CHUK: variants seen among roughly 807,000 people sequenced by gnomAD.
CHUK encodes inhibitor of nuclear factor kappa-B kinase subunit alpha.
A neutral mutation model predicts 104.8 loss-of-function variants in CHUK; 35 were observed. The observed-to-expected ratio is 0.33, with a 90% CI of 0.26 to 0.44. The LOEUF (loss-of-function observed/expected upper bound fraction) is 0.44, where lower values mean the gene tolerates loss of function less well. CHUK is among the 20% of genes least tolerant of loss of function. CHUK has a pLI of 1.00. For synonymous variants in CHUK, 276 were observed against 291.9 expected (o/e 0.95, Z 0.56); for missense variants, 663 against 902.7 (o/e 0.73, Z 3.40).
At chr10:100,196,717 G>A (rs140648211) in intron 16 of CHUK, among the ~76,000 whole-genome samples, 64 of 152,126 alleles carry the variant, frequency 4.2e-4, no homozygotes, top group African/African-American at 1.5e-3. Context: ...TGAATGTTTT[G>A]GGTCAACAAC....
At position 100,223,367 on chromosome 10, in the gene CHUK, G is replaced by A. The variant is rs140381309; in HGVS notation, c.201-387C>T. On this transcript the variant is annotated intron_variant, in intron 2 of 20. Transcript: ENST00000370397. ...AGTCAAATCTGGCGTTCTAGGCTGG[G>A]TGTAGTTGTAACTGTAATCCCAACA... Among the ~76,000 whole-genome samples the A allele has an allele frequency of 3.2e-3, 491 of 152,306 alleles. 3 individuals carry two copies. The highest frequency in any genetic ancestry group is 0.012 in the African/African-American group (480 of 41,572).
chr10:100,197,733 T>C (rs1395611489), intron 16 of CHUK, among the ~76,000 whole-genome samples: 1 of 152,168 alleles, frequency 6.6e-6, no homozygotes, highest in Non-Finnish European at 1.5e-5. Flanking sequence ...TATACTCATA[T>C]CTACGAGAGC....
At chr10:100,229,122 C>T (rs1283022968) in intron 1 of CHUK, among the ~76,000 whole-genome samples, 1 of 152,004 alleles carries the variant, frequency 6.6e-6, no homozygotes, top group Non-Finnish European at 1.5e-5. Flanking sequence ...CCTCACACAC[C>T]CTGACACTCC....
chr10:100,194,254 T>A, intron 17 of CHUK, 123 bp from the exon 18 acceptor site: 1 of 1,187,890 alleles, frequency 8.4e-7, no homozygotes, highest in Non-Finnish European at 1.2e-6. Context: ...ATCTCCAAAG[T>A]AATGCATACA....
chr10:100,194,954 C>T (rs922006818), intron 16 of CHUK: 1 of 156,550 alleles, frequency 6.4e-6, no homozygotes, highest in African/African-American at 2.4e-5. Flanking sequence ...AACTAGGTTG[C>T]TTGGAATTTC....
At chr10:100,199,396 G>C (rs1485265217) in intron 16 of CHUK, among the ~76,000 whole-genome samples, 1 of 152,110 alleles carries the variant, frequency 6.6e-6, no homozygotes, top group East Asian at 1.9e-4. Flanking sequence ...GTGTGATCTT[G>C]GCTCACTGCA....
At position 100,199,913 on chromosome 10, in the gene CHUK, G is replaced by A. The variant is rs1176070502; in HGVS notation, c.1729+58C>T. 10 of 1,189,904 alleles carry A rather than the reference G, an allele frequency of 8.4e-6. No homozygotes were observed. In the East Asian group the frequency reaches 2.3e-4, roughly 28 times the overall value. The allele number at this position is 1,189,904 out of a possible 1,614,324, so 73.7% of individuals were successfully genotyped here. ...TAAAAATATTAGATCCCCCACATTT[G>A]TTAGGCTAGTGATAGTTACCTAAAA... On this transcript the variant is annotated intron_variant, in intron 16 of 20. Transcript: ENST00000370397.
At chr10:100,187,843 A>T (rs960092833), downstream of CHUK, 1 of 152,236 alleles carries the variant, frequency 6.6e-6, no homozygotes. Context: ...AATCCTTAAC[A>T]ATAATTGCAA....
intron 1 of CHUK, among the ~76,000 whole-genome samples, chr10:100,228,307 T>A (rs1197089630): frequency 6.6e-6 from 1 of 152,232 alleles, no homozygotes. Flanking sequence ...TGAATGTGCA[T>A]CTGTGCATTT....
At chr10:100,190,727 G>A (rs1451580318) in intron 20 of CHUK, 142 bp downstream of exon 20, 1 of 732,896 alleles carries the variant, frequency 1.4e-6, no homozygotes, top group African/African-American at 1.7e-5. Flanking sequence ...TTAAGGTTGA[G>A]GATATTCCCC....
intron 14 of CHUK, among the ~76,000 whole-genome samples, 185 bp downstream of exon 14, chr10:100,201,903 T>A: frequency 6.6e-6 from 1 of 152,138 alleles, no homozygotes; most frequent in Non-Finnish European, 1.5e-5. Flanking sequence ...ACTAGGTAAT[T>A]TTCCCAAAGC....
intron 16 of CHUK, 50 bp from the exon 17 acceptor site, chr10:100,194,571 A>T (rs536099289): frequency 6.4e-6 from 8 of 1,244,250 alleles, no homozygotes; most frequent in Non-Finnish European, 8.2e-6. Flanking sequence ...GTAACATATC[A>T]GCCTCCAAAC....
rs767216220 is a variant in CHUK, at chr10:100,199,994, T to C, written c.1706A>G (p.Lys569Arg). ...ACCTGAAGGTCTGTGTTTTAACTGC[T>C]TATATAGATCAATGGCACGCTGTTC... Reference protein sequence around the residue: ...SLEQRAIDLYKQLKHRPSDHS... With the variant: ...SLEQRAIDLYRQLKHRPSDHS... The change falls in exon 16 of 21, where the codon AAG (lysine) becomes AGG (arginine). Residue 569 changes from lysine to arginine, a missense_variant. Coordinates refer to ENST00000370397, the MANE Select transcript of CHUK (RefSeq NM_001278.5). The C allele has an allele frequency of 2.0e-5, 33 of 1,612,802 alleles. No individual in the cohort carries two copies. The South Asian group carries it at 2.6e-4, about 13-fold the overall frequency.
At chr10:100,203,590 CCTAAAAAGGATT>C (rs1845520258) in intron 13 of CHUK, among the ~76,000 whole-genome samples, 1 of 151,796 alleles carries the variant, frequency 6.6e-6, no homozygotes, top group South Asian at 2.1e-4. Context: ...GTATTTGTTT[CCTAAAAAGGATT>C]TGTTTTATAA....
intron 10 of CHUK, among the ~76,000 whole-genome samples, chr10:100,209,200 T>C (rs1827454): frequency 0.05 from 7,601 of 152,240 alleles, 256 homozygotes; most frequent in East Asian, 0.095. Context: ...AGAAGATAAA[T>C]AAACTACGGA....
chr10:100,199,632 T>G (rs1845416848), intron 16 of CHUK, among the ~76,000 whole-genome samples: 1 of 152,138 alleles, frequency 6.6e-6, no homozygotes, highest in Non-Finnish European at 1.5e-5. Context: ...TGGCCCAACC[T>G]CTCTAATCTT....
intron 10 of CHUK, among the ~76,000 whole-genome samples, 168 bp downstream of exon 10, chr10:100,209,427 A>G (rs1845669333): frequency 6.6e-6 from 1 of 152,186 alleles, no homozygotes; most frequent in African/African-American, 2.4e-5. Context: ...CAAATGTTTC[A>G]TTTCTATCCT....
intron 17 of CHUK, 109 bp downstream of exon 17, chr10:100,194,316 A>G: frequency 9.4e-7 from 1 of 1,059,074 alleles, no homozygotes; most frequent in Non-Finnish European, 1.4e-6. Context: ...AGGTACCTTC[A>G]GAATTCTTCC....
intron 18 of CHUK, 177 bp from the exon 19 acceptor site, chr10:100,193,608 CCTTT>C: frequency 1.3e-6 from 1 of 749,982 alleles, no homozygotes; most frequent in Non-Finnish European, 2.2e-6. Context: ...GTCCTTGGAC[CCTTT>C]CTTCATTGAC....
Sources: gnomAD v4.1 joint callset for allele counts (sites outside exome capture counted in the v4.1 genomes callset) on GRCh38, gnomAD v4.1.1 for gene constraint, MANE v1.5 for transcripts, NCBI Gene and HGNC (gene_info 2026-07-23, HGNC 2026-07-21) for gene names.